The following PRKAG2 variants were observed in gnomAD, a reference collection of about 807,000 sequenced individuals.
PRKAG2 encodes 5'-AMP-activated protein kinase subunit gamma-2.
A neutral mutation model predicts 69.6 loss-of-function variants in PRKAG2; 26 were observed. The observed-to-expected ratio is 0.37, with a 90% CI of 0.27 to 0.52. The LOEUF (loss-of-function observed/expected upper bound fraction) is 0.52. Ranked by LOEUF, PRKAG2 falls within the 20% of genes least tolerant of loss-of-function variation. The pLI is 0.90. For missense variants in PRKAG2, 557 were observed against 740.0 expected, an observed-to-expected ratio of 0.75 and a Z score of 2.87; for synonymous variants, 293 against 285.0, an observed-to-expected ratio of 1.03 and a Z score of -0.28.
intron 3 of PRKAG2, among the ~76,000 whole-genome samples, chr7:151,705,567 G>A (rs746327425): frequency 6.6e-6 from 1 of 152,148 alleles, no homozygotes; most frequent in African/African-American, 2.4e-5. Flanking sequence ...GGAGGGCTAC[G>A]TCTTTTCAGA....
chr7:151,710,266 G>C (rs1033159093), intron 3 of PRKAG2, among the ~76,000 whole-genome samples: 1 of 152,186 alleles, frequency 6.6e-6, no homozygotes, highest in Non-Finnish European at 1.5e-5. Flanking sequence ...TCTGCCACCC[G>C]TGCCCCGCCC....
chr7:151,569,424 C>T (rs866054368), intron 10 of PRKAG2, among the ~76,000 whole-genome samples: 1 of 152,174 alleles, frequency 6.6e-6, no homozygotes, highest in Admixed American at 6.5e-5. Context: ...ACAGATACAT[C>T]GTATTGGCAA....
chr7:151,776,655 G>A (rs1479681690), intron 3 of PRKAG2, among the ~76,000 whole-genome samples: 2 of 152,240 alleles, frequency 1.3e-5, no homozygotes, highest in Non-Finnish European at 2.9e-5. Context: ...TAGGAAAAAA[G>A]CAATTCACAG....
At chr7:151,824,529 G>T (rs2078864364) in intron 1 of PRKAG2, among the ~76,000 whole-genome samples, 1 of 152,076 alleles carries the variant, frequency 6.6e-6, no homozygotes, top group African/African-American at 2.4e-5. Flanking sequence ...CTCTAGGAGG[G>T]TTATTATCCC....
intron 6 of PRKAG2, among the ~76,000 whole-genome samples, chr7:151,580,804 T>C (rs1192486548): frequency 1.1e-5 from 1 of 88,390 alleles, no homozygotes; most frequent in Non-Finnish European, 2.0e-5. Flanking sequence ...GGGAGGGTAG[T>C]GGGGGTGGGT....
chr7:151,646,592 T>C (rs1423230617), intron 4 of PRKAG2, among the ~76,000 whole-genome samples: 1 of 152,226 alleles, frequency 6.6e-6, no homozygotes, highest in Non-Finnish European at 1.5e-5. Flanking sequence ...CTTAGGATTT[T>C]TCTGCATAAG....
chr7:151,776,797 C>T (rs932736720), intron 3 of PRKAG2, among the ~76,000 whole-genome samples: 6 of 152,320 alleles, frequency 3.9e-5, no homozygotes, highest in African/African-American at 1.4e-4. Context: ...AGCTGAGGGG[C>T]TCATATACCC....
At chr7:151,637,730 CACTA>C (rs1354767407) in intron 4 of PRKAG2, among the ~76,000 whole-genome samples, 10 of 142,450 alleles carry the variant, frequency 7.0e-5, no homozygotes, top group Admixed American at 6.3e-4. Context: ...TTTTATAACA[CACTA>C]AGTCAATTTC....
chr7:151,576,632 C>G (rs1242769827), intron 6 of PRKAG2, among the ~76,000 whole-genome samples, 180 bp from the exon 7 acceptor site: 2 of 152,146 alleles, frequency 1.3e-5, no homozygotes, highest in African/African-American at 4.8e-5. Flanking sequence ...TCCCGAGTAG[C>G]TGGGATGACA....
chr7:151,825,526 G>A lies in PRKAG2; in HGVS notation c.115-38985C>T, dbSNP rs2078886874. On this transcript the variant is annotated intron_variant, in intron 1 of 15. Transcript: ENST00000287878. ...GGCCCAGATTTAACATGCACTGGCC[G>A]CTCCCCATGCACCTGGCACCCTAGG... Among the ~76,000 whole-genome samples the A allele has an allele frequency of 1.3e-5, 2 of 152,132 alleles. 1 individual carries two copies. The highest frequency in any genetic ancestry group is 4.8e-5 in the African/African-American group (2 of 41,418).
rs7805183 is a variant in PRKAG2, at chr7:151,853,439, C to T, written c.114+23068G>A. Among the ~76,000 whole-genome samples the T allele has an allele frequency of 7.9e-3, 1,206 of 152,178 alleles. 21 individuals carry two copies. Among genetic ancestry groups the T allele is most frequent in the African/African-American group, 0.026 (1,091 of 41,484 alleles). On this transcript the variant is annotated intron_variant, in intron 1 of 15. Transcript: ENST00000287878. ...TATATGGTTGATGGGTCAGATATTA[C>T]GTTGAACTCTGTGAGATGATCATTT...
chr7:151,698,528 C>T (rs894090023), intron 3 of PRKAG2, among the ~76,000 whole-genome samples: 3 of 152,148 alleles, frequency 2.0e-5, no homozygotes, highest in South Asian at 2.1e-4. Flanking sequence ...TGAGTTCACA[C>T]GAGGCCTGGT....
At chr7:151,607,183 T>C (rs1167714657) in intron 5 of PRKAG2, among the ~76,000 whole-genome samples, 1 of 152,268 alleles carries the variant, frequency 6.6e-6, no homozygotes, top group Non-Finnish European at 1.5e-5. Context: ...AAATGCAACA[T>C]CTAAGTTTAA....
At position 151,756,567 on chromosome 7, in the gene PRKAG2, G is replaced by A. The variant is rs569421803; in HGVS notation, c.466+24585C>T. On this transcript the variant is annotated intron_variant, in intron 3 of 15. Coordinates refer to ENST00000287878, the MANE Select transcript of PRKAG2 (RefSeq NM_016203.4). This position sits in a 1 kb window ranked among gnomAD's most constrained non-coding sequence, Gnocchi z 4.9. ...CCTGCTGCCATGTGTCCAGGCTCCC[G>A]CTGGGCAGGAGACAGGGAGACACCT... 2.6e-4 allele frequency among the ~76,000 whole-genome samples: 40 copies of A among 152,310 alleles called. No individual in the cohort carries two copies. The highest frequency in any genetic ancestry group is 9.4e-4 in the African/African-American group (39 of 41,560).
At chr7:151,559,052 A>G (rs1237376620) in intron 15 of PRKAG2, 3 of 985,302 alleles carry the variant, frequency 3.0e-6, no homozygotes, top group Non-Finnish European at 3.6e-6. Flanking sequence ...GTGCCAAGCT[A>G]TATACCTGTG....
chr7:151,855,498 C>T (rs1473247973), intron 1 of PRKAG2, among the ~76,000 whole-genome samples: 12 of 142,770 alleles, frequency 8.4e-5, no homozygotes, highest in African/African-American at 7.8e-5. Context: ...CCACACACCA[C>T]CCTCCACACA....
At chr7:151,775,103 G>C (rs554066204) in intron 3 of PRKAG2, among the ~76,000 whole-genome samples, 1 of 152,248 alleles carries the variant, frequency 6.6e-6, no homozygotes, top group Non-Finnish European at 1.5e-5. Context: ...GGCTCGTTGG[G>C]CCACGTGTGA....
intron 1 of PRKAG2, among the ~76,000 whole-genome samples, chr7:151,865,215 T>C (rs2080032516): frequency 6.6e-6 from 1 of 152,188 alleles, no homozygotes; most frequent in African/African-American, 2.4e-5. Flanking sequence ...CTCTTGCTGC[T>C]GCCTAGACGG....
In PRKAG2 at chr7:151,777,633, C is replaced by T. The variant is rs573324341; in HGVS notation, c.466+3519G>A. Among the ~76,000 whole-genome samples, 4 of 152,300 alleles carry T rather than the reference C, an allele frequency of 2.6e-5. No homozygotes were observed. Among genetic ancestry groups the T allele is most frequent in the African/African-American group, 7.2e-5 (3 of 41,558 alleles). On this transcript the variant is annotated intron_variant, in intron 3 of 15. Coordinates refer to ENST00000287878, the MANE Select transcript of PRKAG2 (RefSeq NM_016203.4). The surrounding 1 kb of genome is among the most constrained non-coding windows in gnomAD (Gnocchi z 4.3). ...CTTGCAAACACCTTGGCAGAGATCA[C>T]GACAGCAGGAGAAGGTCCAGCCTGG...
Sources: allele counts gnomAD v4.1 joint callset (sites outside exome capture counted in the v4.1 genomes callset), GRCh38; gene constraint gnomAD v4.1.1; non-coding constraint Gnocchi (gnomAD v3.1); transcripts MANE v1.5; gene names NCBI Gene and HGNC (gene_info 2026-07-23, HGNC 2026-07-21).